The following SEMA6D variants were observed in gnomAD, a reference collection of about 807,000 sequenced individuals.
The protein encoded by SEMA6D is semaphorin 6D.
A neutral mutation model predicts 106.6 loss-of-function variants in SEMA6D; 35 were observed. The observed-to-expected ratio is 0.33, with a 90% CI of 0.25 to 0.44. The LOEUF is 0.44. SEMA6D is among the 20% of genes least tolerant of loss of function. The pLI, the probability that SEMA6D is intolerant of heterozygous loss-of-function variation, is 1.00. For synonymous variants in SEMA6D, 499 were observed against 487.7 expected, an observed-to-expected ratio of 1.02 and a Z score of -0.31; for missense variants, 1,185 against 1,345.9, an observed-to-expected ratio of 0.88 and a Z score of 1.87.
At chr15:47,451,043 A>G (rs1295012199) in intron 2 of SEMA6D, among the ~76,000 whole-genome samples, 1 of 152,132 alleles carries the variant, frequency 6.6e-6, no homozygotes, top group African/African-American at 2.4e-5. Flanking sequence ...CAAAAAACTC[A>G]AAAAACAAAA....
At chr15:47,587,357 T>G (rs575281382) in intron 3 of SEMA6D, among the ~76,000 whole-genome samples, 29 of 152,218 alleles carry the variant, frequency 1.9e-4, no homozygotes, top group Non-Finnish European at 3.7e-4. Flanking sequence ...GACTGGAGGG[T>G]CCAAACTAGT....
chr15:47,425,371 G>A (rs2140459929), intron 2 of SEMA6D, among the ~76,000 whole-genome samples: 1 of 152,064 alleles, frequency 6.6e-6, no homozygotes, highest in Non-Finnish European at 1.5e-5. Flanking sequence ...CTGCCTCTAA[G>A]ACCTTTTAAT....
At chr15:47,225,082 A>G (rs1025888670) in intron 1 of SEMA6D, among the ~76,000 whole-genome samples, 1 of 151,944 alleles carries the variant, frequency 6.6e-6, no homozygotes, top group Non-Finnish European at 1.5e-5. Context: ...CAGTCTTCTC[A>G]GATTTGGTAG....
intron 2 of SEMA6D, among the ~76,000 whole-genome samples, chr15:47,442,332 A>G (rs551601879): frequency 5.9e-5 from 9 of 152,046 alleles, no homozygotes; most frequent in Non-Finnish European, 1.3e-4. Flanking sequence ...TGAGAAAGAT[A>G]CCTTCCATGA....
chr15:47,668,681 C>T (rs1468590051), intron 4 of SEMA6D, among the ~76,000 whole-genome samples: 1 of 152,182 alleles, frequency 6.6e-6, no homozygotes, highest in African/African-American at 2.4e-5. Context: ...GAATGGTCCT[C>T]TTCCTACCCG....
chr15:47,470,635 T>G (rs2042807610), intron 3 of SEMA6D: 1 of 152,158 alleles, frequency 6.6e-6, no homozygotes, highest in African/African-American at 2.4e-5. Flanking sequence ...GATTCATTCC[T>G]TTAGGGAAAT....
At chr15:47,346,903 A>C (rs1005478664) in intron 1 of SEMA6D, among the ~76,000 whole-genome samples, 2 of 151,340 alleles carry the variant, frequency 1.3e-5, no homozygotes, top group Non-Finnish European at 2.9e-5. Flanking sequence ...ATTTCTTTTT[A>C]TTTTTTCTTT....
intron 1 of SEMA6D, among the ~76,000 whole-genome samples, chr15:47,319,206 G>A (rs1004154405): frequency 6.6e-6 from 1 of 152,058 alleles, no homozygotes; most frequent in Non-Finnish European, 1.5e-5. Context: ...GTAAGTTCTT[G>A]AATGTTGTCT....
chr15:47,638,564 A>G (rs1481247762), intron 4 of SEMA6D, among the ~76,000 whole-genome samples: 2 of 152,232 alleles, frequency 1.3e-5, no homozygotes, highest in Non-Finnish European at 2.9e-5. Flanking sequence ...AATGAAATGT[A>G]TAATTAATAA....
rs772580647 is a variant in SEMA6D, at chr15:47,761,215, C to A, written c.340C>A (p.His114Asn). 20 of 1,613,656 alleles carry A rather than the reference C, an allele frequency of 1.2e-5. No homozygotes were observed. The highest frequency in any genetic ancestry group is 1.4e-5 in the Non-Finnish European group (17 of 1,179,770). The change falls in exon 5 of 19, where the codon CAT (histidine) becomes AAT (asparagine). Residue 114 changes from histidine (H) to asparagine (N), a missense_variant. This residue lies in a region of SEMA6D where 144 missense variants were observed against 138.6 expected (regional missense o/e 1.04). Coordinates refer to ENST00000536845, the MANE Select transcript of SEMA6D (RefSeq NM_001358351.3). ...AGAAAACTGTGCTATGAAAGGCAAG[C>A]ATAAAGTGAGTGAAACAGAAAAATG... Reference protein sequence around the residue: ...DRENCAMKGKHKDECHNFIKV... With the variant: ...DRENCAMKGKNKDECHNFIKV...
intron 1 of SEMA6D, among the ~76,000 whole-genome samples, chr15:47,225,499 G>T (rs1278383269): frequency 1.4e-5 from 2 of 139,140 alleles, no homozygotes; most frequent in African/African-American, 5.3e-5. Flanking sequence ...TTTTAATCGG[G>T]TGTTTTTTTC....
At chr15:47,295,941 C>T (rs1316470278) in intron 1 of SEMA6D, among the ~76,000 whole-genome samples, 1 of 152,162 alleles carries the variant, frequency 6.6e-6, no homozygotes, top group East Asian at 1.9e-4. Flanking sequence ...CCAGTGCTGC[C>T]TCCATGACTA....
intron 1 of SEMA6D, among the ~76,000 whole-genome samples, chr15:47,184,867 T>C (rs1893442323): frequency 6.6e-6 from 1 of 152,252 alleles, no homozygotes; most frequent in Non-Finnish European, 1.5e-5. Flanking sequence ...ACCGCCACGC[T>C]GCCCCGCTTT....
chr15:47,658,131 A>C (rs1042321698), intron 4 of SEMA6D, among the ~76,000 whole-genome samples: 31 of 152,078 alleles, frequency 2.0e-4, no homozygotes, highest in African/African-American at 4.8e-5. Flanking sequence ...TATTTTTATG[A>C]TGCAAATGAA....
At chr15:47,703,954 AAAAG>A (rs763745819) in intron 4 of SEMA6D, among the ~76,000 whole-genome samples, 4 of 152,198 alleles carry the variant, frequency 2.6e-5, no homozygotes, top group Non-Finnish European at 5.9e-5. Flanking sequence ...GGGGGTGTGT[AAAAG>A]AAAGAAAATT....
intron 1 of SEMA6D, among the ~76,000 whole-genome samples, chr15:47,747,007 G>A (rs1403854452): frequency 6.1e-5 from 4 of 65,844 alleles, no homozygotes; most frequent in Non-Finnish European, 1.2e-4. Flanking sequence ...TATATATTTC[G>A]ATTGTAGAAG....
At chr15:47,342,459 T>A (rs1489428770) in intron 1 of SEMA6D, among the ~76,000 whole-genome samples, 1 of 152,254 alleles carries the variant, frequency 6.6e-6, no homozygotes, top group Non-Finnish European at 1.5e-5. Context: ...TCTGAGTGAA[T>A]AAGTTCTGCA....
intron 4 of SEMA6D, among the ~76,000 whole-genome samples, chr15:47,672,368 G>T (rs546583757): frequency 1.3e-5 from 2 of 152,270 alleles, no homozygotes; most frequent in Admixed American, 1.3e-4. Flanking sequence ...TGAGGTATTT[G>T]CCGGAATATC....
chr15:47,427,032 A>C (rs540734548), intron 2 of SEMA6D, among the ~76,000 whole-genome samples: 1 of 152,314 alleles, frequency 6.6e-6, no homozygotes, highest in African/African-American at 2.4e-5. Flanking sequence ...ATGCAATTTC[A>C]AACACCAGTA....
Sources: gnomAD v4.1 joint callset for allele counts (sites outside exome capture counted in the v4.1 genomes callset) on GRCh38, gnomAD v4.1.1 for gene constraint, gnomAD v4.1.1 regional missense constraint, MANE v1.5 for transcripts, NCBI Gene and HGNC (gene_info 2026-07-23, HGNC 2026-07-21) for gene names.